Variants in NCOA6 observed in about 807,000 individuals in gnomAD.
The protein encoded by NCOA6 is nuclear receptor coactivator 6.
NCOA6 carries 49 observed loss-of-function variants against 171.4 expected under a neutral mutation model. The ratio of observed to expected loss-of-function variants is 0.29; its 90% CI spans 0.23 to 0.36. The LOEUF (loss-of-function observed/expected upper bound fraction) is 0.36, where lower values mean the gene tolerates loss of function less well. NCOA6 is among the 10% of genes least tolerant of loss of function. The pLI is 1.00. For missense variants in NCOA6, 2,248 were observed against 2,554.5 expected (o/e 0.88, Z 2.59); for synonymous variants, 910 against 927.5 (o/e 0.98, Z 0.34).
chr20:34,765,541 C>G (rs939846719), intron 5 of NCOA6, among the ~76,000 whole-genome samples: 1 of 151,848 alleles, frequency 6.6e-6, no homozygotes, highest in Admixed American at 6.6e-5. Flanking sequence ...AATAGTGACA[C>G]TATAACATGC....
At chr20:34,805,372 A>G (rs930006453) in intron 1 of NCOA6, among the ~76,000 whole-genome samples, 1 of 152,100 alleles carries the variant, frequency 6.6e-6, no homozygotes, top group Non-Finnish European at 1.5e-5. Context: ...ATTGTGATCA[A>G]CTTTTTTACC....
chr20:34,808,127 T>C (rs2078523963), intron 1 of NCOA6, among the ~76,000 whole-genome samples: 1 of 150,860 alleles, frequency 6.6e-6, no homozygotes, highest in African/African-American at 2.4e-5. Context: ...TGCAGCCTGG[T>C]AACAGAGCGA....
intron 2 of NCOA6, among the ~76,000 whole-genome samples, chr20:34,787,574 T>C (rs1399615697): frequency 6.6e-6 from 1 of 151,492 alleles, no homozygotes; most frequent in East Asian, 1.9e-4. Flanking sequence ...GATGGCTTAA[T>C]AGGCCTAGGA....
chr20:34,787,763 G>C (rs974415536), intron 2 of NCOA6, among the ~76,000 whole-genome samples: 1 of 152,182 alleles, frequency 6.6e-6, no homozygotes, highest in Admixed American at 6.6e-5. Context: ...TATTGAAGCT[G>C]CAGTGTTACA....
rs953659979 is a variant in NCOA6 at position 34,750,098 on chromosome 20, C to T, written c.2097G>A (p.Met699Ile). The change falls in exon 9 of 15, where the codon ATG becomes ATA. Residue 699 changes from methionine to isoleucine, a missense_variant. Physicochemically the swap from Met to Ile is conservative, Grantham distance 10. This residue lies in a region of NCOA6 where 987 missense variants were observed against 1,104.7 expected (regional missense o/e 0.89). Coordinates refer to ENST00000359003, the MANE Select transcript of NCOA6 (RefSeq NM_014071.5). Reference protein sequence around the residue: ...PQMMAPHNQMMGPQGQVLLQQ... With the variant: ...PQMMAPHNQMIGPQGQVLLQQ... The stretch of plus-strand genomic sequence containing the variant: ...GGAGCAAAACCTGCCCCTGAGGCCC[C>T]ATCATCTGGTTATGTGGCGCCATCA... 6 of 1,614,026 alleles carry T rather than the reference C, an allele frequency of 3.7e-6. No individual in the cohort carries two copies. The highest frequency in any genetic ancestry group is 1.7e-5 in the Admixed American group (1 of 60,002).
chr20:34,721,236 T>TAAAA (rs1282768837), intron 14 of NCOA6, among the ~76,000 whole-genome samples: 1 of 9,728 alleles, frequency 1.0e-4, no homozygotes, highest in African/African-American at 5.1e-4. Flanking sequence ...TCTTCCTCTA[T>TAAAA]ACAAAAAAAA....
chr20:34,785,658 T>C (rs1470927028), intron 2 of NCOA6, among the ~76,000 whole-genome samples: 2 of 151,956 alleles, frequency 1.3e-5, no homozygotes, highest in African/African-American at 4.8e-5. Context: ...TATTCCAAAG[T>C]TGGAACAACT....
At chr20:34,767,338 C>T (rs960788577) in intron 5 of NCOA6, among the ~76,000 whole-genome samples, 2 of 152,012 alleles carry the variant, frequency 1.3e-5, no homozygotes, top group African/African-American at 4.8e-5. Context: ...ACTCTGTTGC[C>T]CAGGCTGGAG....
At position 34,800,850 on chromosome 20, in the gene NCOA6, C is replaced by T. The variant is rs190517030; in HGVS notation, c.-163-8287G>A. Reference sequence around the variant, plus strand: ...GAAAAATCAGATGTAATCTGCACTACAGACTACATGAACTTAATAAGATAT... The same window carrying T: ...GAAAAATCAGATGTAATCTGCACTATAGACTACATGAACTTAATAAGATAT... On this transcript the variant is annotated intron_variant, in intron 1 of 14. Coordinates refer to ENST00000359003, the MANE Select transcript of NCOA6 (RefSeq NM_014071.5). Among the ~76,000 whole-genome samples, 7 of 152,258 alleles carry T rather than the reference C, an allele frequency of 4.6e-5. No homozygotes were observed. The East Asian group carries it at 1.4e-3, about 29-fold the overall frequency.
chr20:34,764,607 C>T (rs1311311368), intron 5 of NCOA6, among the ~76,000 whole-genome samples: 3 of 151,710 alleles, frequency 2.0e-5, no homozygotes, highest in Non-Finnish European at 2.9e-5. Context: ...ACTGCTTGAA[C>T]TTGGGAGGCA....
At chr20:34,825,147 C>G (rs762538071) in intron 1 of NCOA6, among the ~76,000 whole-genome samples, 236 of 152,180 alleles carry the variant, frequency 1.6e-3, no homozygotes, top group Non-Finnish European at 1.9e-3. Flanking sequence ...GAGCGCCACC[C>G]CGTGCAGACC....
intron 2 of NCOA6, among the ~76,000 whole-genome samples, chr20:34,790,370 T>C (rs545505546): frequency 6.6e-6 from 1 of 152,104 alleles, no homozygotes; most frequent in Non-Finnish European, 1.5e-5. Context: ...ATTTAATTAT[T>C]TTGAGATGGA....
Position 34,780,174 on chromosome 20 carries a change from C to T in NCOA6, c.235+1947G>A, listed in dbSNP as rs576626828. Among the ~76,000 whole-genome samples the T allele has an allele frequency of 3.9e-5, 6 of 152,308 alleles. 1 individual carries two copies. Among genetic ancestry groups the T allele is most frequent in the African/African-American group, 1.4e-4 (6 of 41,562 alleles). On this transcript the variant is annotated intron_variant, in intron 3 of 14. Coordinates refer to ENST00000359003, the MANE Select transcript of NCOA6 (RefSeq NM_014071.5). ...GTTGGAATCTTGTACATATTCTACA[C>T]AAACATCAAATTTGCTTATGGTATT...
At chr20:34,726,785 A>C in intron 14 of NCOA6, among the ~76,000 whole-genome samples, 1 of 142,476 alleles carries the variant, frequency 7.0e-6, no homozygotes, top group African/African-American at 2.6e-5. Context: ...ACTCCATCTC[A>C]AAAAAAAAAA....
chr20:34,791,989 G>C (rs2077900785), intron 2 of NCOA6, among the ~76,000 whole-genome samples: 1 of 152,274 alleles, frequency 6.6e-6, no homozygotes, highest in East Asian at 1.9e-4. Context: ...CAAAAGCTAG[G>C]AGGGAGGGAA....
intron 10 of NCOA6, among the ~76,000 whole-genome samples, chr20:34,744,758 C>T (rs968661360): frequency 6.6e-6 from 1 of 152,158 alleles, no homozygotes; most frequent in Non-Finnish European, 1.5e-5. Context: ...ACTGTCCTTT[C>T]GACTACATAG....
chr20:34,753,520 G>A (rs2076554392), intron 8 of NCOA6, among the ~76,000 whole-genome samples: 2 of 151,968 alleles, frequency 1.3e-5, no homozygotes, highest in South Asian at 4.2e-4. Context: ...AATTAGCCAG[G>A]CATGGTGGCG....
At position 34,715,172 on chromosome 20, in the gene NCOA6, CT is replaced by C. The variant is rs1988374927; in HGVS notation, c.*149del. 1.0e-6 allele frequency: 1 copy of C among 994,908 alleles called. No homozygotes were observed. The highest frequency in any genetic ancestry group is 1.5e-6 in the Non-Finnish European group (1 of 661,934). 61.6% of individuals were successfully genotyped at this position (994,908 alleles called of 1,614,324 possible). On this transcript the variant is annotated 3_prime_UTR_variant, in exon 15 of 15. Transcript: ENST00000359003. ...CAACAGTCCTGCTTTCCCCATTGCA[CT>C]TTATGAAACAGGTTGCAGGGACTAG...
intron 11 of NCOA6, among the ~76,000 whole-genome samples, chr20:34,737,518 A>AT (rs2075994313): frequency 1.3e-5 from 2 of 152,200 alleles, no homozygotes; most frequent in African/African-American, 4.8e-5. Flanking sequence ...AGAGTTAGCA[A>AT]TTCTAGGTTG....
Sources: gnomAD v4.1 joint callset for allele counts (sites outside exome capture counted in the v4.1 genomes callset) on GRCh38, gnomAD v4.1.1 for gene constraint, gnomAD v4.1.1 regional missense constraint, MANE v1.5 for transcripts, NCBI Gene and HGNC (gene_info 2026-07-23, HGNC 2026-07-21) for gene names.